The following SOBP variants were observed in gnomAD, a reference collection of about 807,000 sequenced individuals.
SOBP encodes sine oculis-binding protein homolog.
A neutral mutation model predicts 53.6 loss-of-function variants in SOBP; 4 were observed. The ratio of observed to expected loss-of-function variants is 0.07; its 90% CI spans 0.04 to 0.17. SOBP has a LOEUF of 0.17. SOBP is among the 10% of genes least tolerant of loss of function. The pLI, the probability that SOBP is intolerant of heterozygous loss-of-function variation, is 1.00. For missense variants in SOBP, 1,088 were observed against 1,204.7 expected (o/e 0.90, Z 1.43); for synonymous variants, 584 against 522.6 (o/e 1.12, Z -1.60).
Position 107,490,708 on chromosome 6 carries a change from T to G in SOBP, c.92T>G (p.Met31Arg). 6.3e-7 allele frequency: 1 copy of G among 1,594,636 alleles called. No individual in the cohort carries two copies. The highest frequency in any genetic ancestry group is 8.6e-7 in the Non-Finnish European group (1 of 1,167,814). ...HPVKREINEE[M>R]KNFAENTMNE... ...GTGAAAAGGGAGATCAATGAGGAGA[T>G]GAAGGTATTTTTTGATCTCGGGGGC... is the stretch of plus-strand genomic sequence containing the variant. Residue 31 changes from methionine (M) to arginine (R), a missense_variant, in exon 1 of 7, where the codon ATG (methionine) becomes AGG (arginine). Met to Arg is a moderately conservative substitution (Grantham distance 91, BLOSUM62 -1). This residue lies in a region of SOBP where 37 missense variants were observed against 37.8 expected (regional missense o/e 0.98). Coordinates refer to ENST00000317357, the MANE Select transcript of SOBP (RefSeq NM_018013.4).
At chr6:107,579,167 G>C (rs143173837) in intron 4 of SOBP, among the ~76,000 whole-genome samples, 1 of 152,134 alleles carries the variant, frequency 6.6e-6, no homozygotes, top group Non-Finnish European at 1.5e-5. Context: ...GGCAGTGGGC[G>C]GAGGAAGAAA....
chr6:107,536,867 G>A (rs1400719557), intron 4 of SOBP, among the ~76,000 whole-genome samples: 1 of 152,160 alleles, frequency 6.6e-6, no homozygotes, highest in African/African-American at 2.4e-5. Flanking sequence ...ATATTTTGTA[G>A]GGTCCTTATC....
chr6:107,630,038 C>T (rs1381154761), intron 5 of SOBP, among the ~76,000 whole-genome samples: 1 of 152,146 alleles, frequency 6.6e-6, no homozygotes, highest in African/African-American at 2.4e-5. Flanking sequence ...AGATTGGCAT[C>T]GTTAAACAGC....
At chr6:107,574,356 G>A (rs539463407) in intron 4 of SOBP, among the ~76,000 whole-genome samples, 117 of 152,204 alleles carry the variant, frequency 7.7e-4, no homozygotes, top group African/African-American at 2.7e-3. Context: ...TTTCTATTCT[G>A]TGATTAGGCA....
In SOBP at chr6:107,659,757, T is replaced by C. The variant is rs1486388283; in HGVS notation, c.*1554T>C. 6.6e-6 allele frequency: 1 copy of C among 152,628 alleles called. No individual in the cohort carries two copies. 9.5% of individuals were successfully genotyped at this position (152,628 alleles called of 1,614,324 possible). A position where few individuals can be genotyped will look rare whatever the true frequency, so the allele number is the denominator to read the frequency against. ...CGGTGTACATACTGTATTTCTAGAT[T>C]CTCCTTTGTACAGAGTCACTTCACA... On this transcript the variant is annotated 3_prime_UTR_variant, in exon 7 of 7. Transcript: ENST00000317357.
chr6:107,502,312 T>C (rs562092037), intron 1 of SOBP, among the ~76,000 whole-genome samples: 4 of 152,304 alleles, frequency 2.6e-5, no homozygotes, highest in Non-Finnish European at 5.9e-5. Flanking sequence ...AAAAGATTCT[T>C]TGAGCCACAA....
At chr6:107,563,316 C>T (rs1350042765) in intron 4 of SOBP, among the ~76,000 whole-genome samples, 2 of 152,054 alleles carry the variant, frequency 1.3e-5, no homozygotes, top group Non-Finnish European at 2.9e-5. Context: ...AAAATAATTT[C>T]ACAAGAAAAA....
chr6:107,533,271 CAAAA>C (rs762864049), intron 3 of SOBP, among the ~76,000 whole-genome samples, 184 bp from the exon 4 acceptor site: 115 of 32,796 alleles, frequency 3.5e-3, no homozygotes, highest in South Asian at 0.01. Flanking sequence ...ACTTAGGAGC[CAAAA>C]AAAAAAAAAA....
At chr6:107,654,130 C>G (rs940523205) in intron 6 of SOBP, among the ~76,000 whole-genome samples, 2 of 152,202 alleles carry the variant, frequency 1.3e-5, no homozygotes, top group African/African-American at 4.8e-5. Flanking sequence ...TTTCATTCCT[C>G]TGGCCAAAAG....
intron 6 of SOBP, among the ~76,000 whole-genome samples, chr6:107,652,386 G>C (rs920002021): frequency 6.6e-6 from 1 of 152,216 alleles, no homozygotes; most frequent in Non-Finnish European, 1.5e-5. Context: ...GAAATAGCAA[G>C]AGAATTACAA....
chr6:107,590,383 GGAA>G (rs1173860672), intron 5 of SOBP, among the ~76,000 whole-genome samples: 2 of 152,162 alleles, frequency 1.3e-5, no homozygotes, highest in Non-Finnish European at 2.9e-5. Context: ...CCTGTGTTCA[GGAA>G]GAAGGTCAAA....
chr6:107,517,413 A>G (rs1783352924), intron 3 of SOBP, among the ~76,000 whole-genome samples: 1 of 152,084 alleles, frequency 6.6e-6, no homozygotes, highest in African/African-American at 2.4e-5. Context: ...CATGTGGTGA[A>G]GGGAGAGAGA....
At chr6:107,656,535 G>T (rs1772074094) in intron 6 of SOBP, among the ~76,000 whole-genome samples, 1 of 152,164 alleles carries the variant, frequency 6.6e-6, no homozygotes, top group Admixed American at 6.5e-5. Flanking sequence ...AGTACACACA[G>T]ATCTGGTGAT....
chr6:107,561,179 T>C (rs1179819376), intron 4 of SOBP, among the ~76,000 whole-genome samples: 1 of 152,152 alleles, frequency 6.6e-6, no homozygotes, highest in East Asian at 1.9e-4. Flanking sequence ...AGATGGATGT[T>C]AAGGTGAATG....
At chr6:107,593,042 T>C (rs187071851) in intron 5 of SOBP, among the ~76,000 whole-genome samples, 33 of 152,338 alleles carry the variant, frequency 2.2e-4, no homozygotes, top group Non-Finnish European at 2.2e-4. Context: ...CCATCTGTGC[T>C]GGTGTTTCAT....
intron 6 of SOBP, chr6:107,636,312 T>C (rs699698): frequency 0.69 from 105,061 of 152,204 alleles, 38,375 homozygotes; most frequent in Non-Finnish European, 0.83. Context: ...GACTCCTGCC[T>C]AATGCCAAGT....
chr6:107,615,335 T>C (rs1314507119), intron 5 of SOBP, among the ~76,000 whole-genome samples: 3 of 152,160 alleles, frequency 2.0e-5, no homozygotes, highest in Non-Finnish European at 4.4e-5. Context: ...TGAATATTAG[T>C]GGGGTACTTC....
intron 4 of SOBP, among the ~76,000 whole-genome samples, chr6:107,538,762 C>T (rs1401900327): frequency 6.6e-6 from 1 of 152,128 alleles, no homozygotes; most frequent in Non-Finnish European, 1.5e-5. Context: ...GGGAAAAGAA[C>T]AACAAACCCA....
rs77934786 is a variant in SOBP, at chr6:107,639,577, A to C, written c.*3+4108A>C. ...AAATATCCCCCCGAATAATAAGGAA[A>C]ACAATGTATAAACATTTTCCGAACT... On this transcript the variant is annotated intron_variant, in intron 6 of 6. Transcript: ENST00000317357. 1.6e-3 allele frequency among the ~76,000 whole-genome samples: 237 copies of C among 152,352 alleles called. 2 individuals are homozygous for C. In the East Asian group the frequency reaches 0.035, roughly 22 times the overall value.
Sources: gnomAD v4.1 joint callset for allele counts (sites outside exome capture counted in the v4.1 genomes callset) on GRCh38, gnomAD v4.1.1 for gene constraint, gnomAD v4.1.1 regional missense constraint, MANE v1.5 for transcripts, NCBI Gene and HGNC (gene_info 2026-07-23, HGNC 2026-07-21) for gene names.